The following DNAH10 variants were observed in gnomAD, a reference collection of about 807,000 sequenced individuals.
DNAH10 encodes dynein axonemal heavy chain 10.
Under a neutral mutation model 506.6 loss-of-function variants are expected in DNAH10, and 348 were observed. The observed-to-expected ratio is 0.69, with a 90% CI of 0.63 to 0.75. The LOEUF (loss-of-function observed/expected upper bound fraction) is 0.75. Among genes scored for constraint, DNAH10 ranks in the 30% least tolerant of loss-of-function variants. The pLI is 0.00. For missense variants in DNAH10, 5,179 were observed against 5,787.1 expected (o/e 0.89, Z 3.41); for synonymous variants, 2,059 against 2,198.6 (o/e 0.94, Z 1.78).
intron 28 of DNAH10, among the ~76,000 whole-genome samples, chr12:123,837,443 GA>G (rs1373990387): frequency 1.3e-5 from 2 of 151,500 alleles, no homozygotes; most frequent in South Asian, 2.1e-4. Context: ...AAGAAAGGAA[GA>G]AAAAAATACC....
chr12:123,820,592 T>C lies in DNAH10; in HGVS notation c.4013T>C (p.Leu1338Ser). 6.2e-7 allele frequency: 1 copy of C among 1,613,866 alleles called. No individual in the cohort carries two copies. The highest frequency in any genetic ancestry group is 1.1e-5 in the South Asian group (1 of 91,076). The change falls in exon 24 of 79, where the codon TTA becomes TCA. Residue 1338 changes from leucine (L) to serine (S), a missense_variant. Leu to Ser is a moderately radical substitution (Grantham distance 145). Around this residue, in one of 3 missense-constraint regions of DNAH10, gnomAD observed 4,844 missense variants for 5,430.5 expected, o/e 0.89. Transcript: ENST00000673944. The stretch of plus-strand genomic sequence containing the variant: ...ATTTATTTACTAGGAGTAGAGCTTT[T>C]AGGTGTTTATGAAAGAGAGCTGGCA... ...GDDLDKGVEL[L>S]GVYERELARH...
In DNAH10 at chr12:123,907,103, C is replaced by G. The variant is rs1189887093; in HGVS notation, c.9816-2158C>G. Among the ~76,000 whole-genome samples, 3 of 152,232 alleles carry G rather than the reference C, an allele frequency of 2.0e-5. No homozygotes were observed. The highest frequency in any genetic ancestry group is 4.4e-5 in the Non-Finnish European group (3 of 68,048). On this transcript the variant is annotated intron_variant, in intron 57 of 78. Transcript: ENST00000673944. The surrounding 1 kb of genome is among the most constrained non-coding windows in gnomAD (Gnocchi z 4.4). ...GGGTCTTCACTGCGTGGCGCTGACACTCTGTTTTCCTATAGGAATCCCATG... is the reference window on the plus strand; with the variant it reads ...GGGTCTTCACTGCGTGGCGCTGACAGTCTGTTTTCCTATAGGAATCCCATG...
chr12:123,935,553 T>A lies in DNAH10; in HGVS notation c.*72T>A. ...TCAGAGTGATCGGGTCTGCTGTCATTTCTTGGGGCCTCTCAAGAGGCAGGA... is the reference window on the plus strand; with the variant it reads ...TCAGAGTGATCGGGTCTGCTGTCATATCTTGGGGCCTCTCAAGAGGCAGGA... On this transcript the variant is annotated 3_prime_UTR_variant, in exon 79 of 79. Transcript: ENST00000673944. 6.8e-7 allele frequency: 1 copy of A among 1,468,222 alleles called. No homozygotes were observed. Among genetic ancestry groups the A allele is most frequent in the Non-Finnish European group, 9.2e-7 (1 of 1,085,506 alleles). 90.9% of individuals were successfully genotyped at this position (1,468,222 alleles called of 1,614,324 possible).
chr12:123,787,737 G>A lies in DNAH10; in HGVS notation c.1422-67G>A. On this transcript the variant is annotated intron_variant, in intron 9 of 78. Transcript: ENST00000673944. The surrounding 1 kb of genome is among the most constrained non-coding windows in gnomAD (Gnocchi z 4.6). ...AGCTTCACGGGACACTGGCTCCCCA[G>A]CCGGGGAGTGCGGCTCGGACCCGGA... 6.4e-7 allele frequency: 1 copy of A among 1,558,554 alleles called. No homozygotes were observed. Among genetic ancestry groups the A allele is most frequent in the Non-Finnish European group, 8.7e-7 (1 of 1,148,208 alleles).
At chr12:123,788,150 T>C (rs1957936326) in intron 10 of DNAH10, 148 bp downstream of exon 10, 2 of 941,936 alleles carry the variant, frequency 2.1e-6, no homozygotes, top group Non-Finnish European at 3.2e-6. Context: ...CGGAATATAC[T>C]AGAATGTACC....
Position 123,931,851 on chromosome 12 carries a change from A to G in DNAH10, c.13128+4A>G. ...GTCTCTGGCTGAACTTCAAAGGGTG[A>G]GCCTGTCTCTCATGTGCAGATTACT... is the stretch of plus-strand genomic sequence containing the variant. On this transcript the variant is annotated splice_donor_region_variant and intron_variant, in intron 75 of 78. Transcript: ENST00000673944. 6.2e-7 allele frequency: 1 copy of G among 1,613,856 alleles called. No homozygotes were observed. The highest frequency in any genetic ancestry group is 8.5e-7 in the Non-Finnish European group (1 of 1,179,768).
chr12:123,893,989 A>G (rs1008532918), intron 53 of DNAH10, among the ~76,000 whole-genome samples: 1 of 151,292 alleles, frequency 6.6e-6, no homozygotes, highest in Non-Finnish European at 1.5e-5. Context: ...TTGATGAACT[A>G]GATTTGGACA....
At position 123,853,928 on chromosome 12, in the gene DNAH10, G is replaced by A. The variant is rs1028675608; in HGVS notation, c.6438+576G>A. On this transcript the variant is annotated intron_variant, in intron 36 of 78. Coordinates refer to ENST00000673944, the MANE Select transcript of DNAH10 (RefSeq NM_001372106.1). The surrounding 1 kb of genome is among the most constrained non-coding windows in gnomAD (Gnocchi z 4.7). ...CACATGTACACATACGCACACGCAC[G>A]CACACGCACACGCACACACACACAC... 3.4e-5 allele frequency among the ~76,000 whole-genome samples: 5 copies of A among 147,162 alleles called. No individual in the cohort carries two copies. Among genetic ancestry groups the A allele is most frequent in the Admixed American group, 1.4e-4 (2 of 14,792 alleles).
At chr12:123,769,927 T>TTTG (rs1957186632) in intron 2 of DNAH10, among the ~76,000 whole-genome samples, 3 of 150,794 alleles carry the variant, frequency 2.0e-5, no homozygotes, top group South Asian at 2.1e-4. Context: ...CTAAGGTTTT[T>TTTG]TTTTTTTTTT....
chr12:123,865,864 A>T (rs1366620049), intron 40 of DNAH10, 87 bp from the exon 41 acceptor site: 33 of 1,360,756 alleles, frequency 2.4e-5, no homozygotes, highest in Non-Finnish European at 3.1e-5. Context: ...ATGCAGTTGT[A>T]AAAACTTTCC....
intron 39 of DNAH10, 60 bp from the exon 40 acceptor site, chr12:123,864,535 C>T: frequency 6.3e-7 from 1 of 1,576,112 alleles, no homozygotes; most frequent in Non-Finnish European, 8.6e-7. Flanking sequence ...CAGGTTATAC[C>T]AAGTTCCATA....
At chr12:123,811,345 A>G (rs1958924023) in intron 19 of DNAH10, among the ~76,000 whole-genome samples, 1 of 147,682 alleles carries the variant, frequency 6.8e-6, no homozygotes, top group South Asian at 2.1e-4. Flanking sequence ...TTTTTTTGAG[A>G]TGGAGTCTTG....
intron 41 of DNAH10, 110 bp downstream of exon 41, chr12:123,866,183 T>G: frequency 2.9e-6 from 2 of 700,960 alleles, no homozygotes; most frequent in Non-Finnish European, 3.9e-6. Flanking sequence ...GTCCTTGACC[T>G]GCCCATGTCC....
chr12:123,929,662 A>G lies in DNAH10; in HGVS notation c.12517-2A>G. 2 of 1,612,310 alleles carry G rather than the reference A, an allele frequency of 1.2e-6. No homozygotes were observed. The highest frequency in any genetic ancestry group is 1.7e-6 in the Non-Finnish European group (2 of 1,179,132). ...TAACTGAGCGTGTTCTCTTCTTTCA[A>G]GGTCTGCATGGAAATTCTGAACACG... is the stretch of plus-strand genomic sequence containing the variant. On this transcript the variant is annotated splice_acceptor_variant, in intron 71 of 78. Coordinates refer to ENST00000673944, the MANE Select transcript of DNAH10 (RefSeq NM_001372106.1). LOFTEE classifies it high-confidence loss of function.
intron 24 of DNAH10, among the ~76,000 whole-genome samples, chr12:123,821,250 CAA>C (rs975618107): frequency 1.5e-5 from 2 of 134,260 alleles, no homozygotes; most frequent in Non-Finnish European, 1.6e-5. Flanking sequence ...AACTCCATCT[CAA>C]AAAAAAAAAA....
At position 123,813,203 on chromosome 12, in the gene DNAH10, C is replaced by T; in HGVS notation, c.3184C>T (p.Pro1062Ser). The T allele has an allele frequency of 6.2e-7, 1 of 1,612,234 alleles. No homozygotes were observed. Among genetic ancestry groups the T allele is most frequent in the Non-Finnish European group, 8.5e-7 (1 of 1,178,846 alleles). ...GATGAATGGCAGCTGCATAGAATGC[C>T]CACCTCAGAAGGGGGAGGAAGAGGA... ...RWMNGSCIEC[P>S]PQKGEEEEVV... is the part of the protein sequence containing the mutation. Residue 1062 changes from proline to serine, a missense_variant, in exon 20 of 79, where the codon CCA becomes TCA. Pro to Ser is a moderately conservative substitution (Grantham distance 74). Transcript: ENST00000673944.
Position 123,926,905 on chromosome 12 carries a change from TGAGTGCCAC to T in DNAH10, c.12105+87_12105+95del. On this transcript the variant is annotated intron_variant, in intron 69 of 78. Coordinates refer to ENST00000673944, the MANE Select transcript of DNAH10 (RefSeq NM_001372106.1). This position sits in a 1 kb window ranked among gnomAD's most constrained non-coding sequence, Gnocchi z 4.1. Reference sequence around the variant, plus strand: ...AGAAGGAGCTAACCTGGGTTTAAGCTGAGTGCCACGCCACAAATCAGTTGGATGCATTTC... The same window carrying T: ...AGAAGGAGCTAACCTGGGTTTAAGCTGCCACAAATCAGTTGGATGCATTTC... 6.9e-7 allele frequency: 1 copy of T among 1,457,404 alleles called. No individual in the cohort carries two copies. Among genetic ancestry groups the T allele is most frequent in the Non-Finnish European group, 9.3e-7 (1 of 1,080,398 alleles). 90.3% of individuals were successfully genotyped at this position (1,457,404 alleles called of 1,614,324 possible). A position where few individuals can be genotyped will look rare whatever the true frequency, so the allele number is the denominator to read the frequency against.
chr12:123,809,290 A>G (rs920219497), intron 19 of DNAH10, among the ~76,000 whole-genome samples: 3 of 152,060 alleles, frequency 2.0e-5, no homozygotes, highest in African/African-American at 7.2e-5. Flanking sequence ...CCTCTCCTGG[A>G]CTGTTGCAGT....
chr12:123,772,880 G>A lies in DNAH10; in HGVS notation c.443G>A (p.Cys148Tyr). 6.2e-7 allele frequency: 1 copy of A among 1,612,912 alleles called. No individual in the cohort carries two copies. Among genetic ancestry groups the A allele is most frequent in the Non-Finnish European group, 8.5e-7 (1 of 1,179,544 alleles). Residue 148 changes from cysteine to tyrosine, a missense_variant, in exon 4 of 79, where the codon TGT (cysteine) becomes TAT (tyrosine). Transcript: ENST00000673944. Reference sequence around the variant, plus strand: ...GAAAAGATGCATCTCCACATGCTCTGTACCCCTCTTCCCGAGGAGTTCCTG... The same window carrying A: ...GAAAAGATGCATCTCCACATGCTCTATACCCCTCTTCCCGAGGAGTTCCTG... ...IMEKMHLHML[C>Y]TPLPEEFLDQ...
Sources: allele counts gnomAD v4.1 joint callset (sites outside exome capture counted in the v4.1 genomes callset), GRCh38; gene constraint gnomAD v4.1.1; regional missense constraint gnomAD v4.1.1; non-coding constraint Gnocchi (gnomAD v3.1); transcripts MANE v1.5; gene names NCBI Gene and HGNC (gene_info 2026-07-23, HGNC 2026-07-21).